DACH2: variants seen among roughly 807,000 people sequenced by gnomAD.
DACH2 encodes dachshund family transcription factor 2, also known as dachshund homolog 2.
DACH2 carries 17 observed loss-of-function variants against 35.8 expected under a neutral mutation model. The observed-to-expected ratio is 0.48, with a 90% CI of 0.33 to 0.71. The LOEUF (loss-of-function observed/expected upper bound fraction) is 0.71. Ranked by LOEUF, DACH2 falls within the 30% of genes least tolerant of loss-of-function variation. DACH2 has a pLI of 0.02. For synonymous variants in DACH2, 195 were observed against 177.3 expected (o/e 1.10, Z -0.79); for missense variants, 469 against 472.7 (o/e 0.99, Z 0.07).
intron 3 of DACH2, among the ~76,000 whole-genome samples, chrX:86,589,372 AT>A (rs1467805570): frequency 2.7e-5 from 3 of 110,920 alleles, no homozygotes; most frequent in African/African-American, 9.8e-5. Context: ...ACCTCACTCT[AT>A]TTTTTAAAAA....
chrX:86,423,521 A>AT lies in DACH2; in HGVS notation c.527+46670dup, dbSNP rs202030008. On this transcript the variant is annotated intron_variant, in intron 2 of 11. Transcript: ENST00000373125. ...GGCCCTTTTTAAATCAGATAATTAGATTTTTTTTTTTCTATAGACTTGTTT... is the reference window on the plus strand; with the variant it reads ...GGCCCTTTTTAAATCAGATAATTAGATTTTTTTTTTTTCTATAGACTTGTTT... 5.9e-3 allele frequency among the ~76,000 whole-genome samples: 612 copies of AT among 103,295 alleles called. 2 individuals are homozygous for AT. Among genetic ancestry groups the AT allele is most frequent in the Non-Finnish European group, 8.9e-3 (445 of 49,929 alleles). The allele number at this position is 103,295 out of a possible 115,157, so 89.7% of individuals were successfully genotyped here. A position where few individuals can be genotyped will look rare whatever the true frequency, so the allele number is the denominator to read the frequency against.
At chrX:86,270,023 T>TTA (rs201548278) in intron 1 of DACH2, among the ~76,000 whole-genome samples, 96 of 97,703 alleles carry the variant, frequency 9.8e-4, no homozygotes, top group South Asian at 2.3e-3. Context: ...TATATATATA[T>TTA]TATATATATA....
chrX:86,675,234 G>A (rs189455527), intron 4 of DACH2, among the ~76,000 whole-genome samples: 67 of 111,380 alleles, frequency 6.0e-4, no homozygotes, highest in African/African-American at 2.0e-3. Context: ...AGATCATCCA[G>A]CTCAACTTAA....
intron 2 of DACH2, among the ~76,000 whole-genome samples, chrX:86,498,225 G>A (rs1302198954): frequency 1.8e-5 from 2 of 110,986 alleles, no homozygotes; most frequent in African/African-American, 6.6e-5. Flanking sequence ...TTTAAAAGAA[G>A]TAATTTGTTG....
intron 7 of DACH2, among the ~76,000 whole-genome samples, chrX:86,807,781 G>A (rs1418642719): frequency 9.0e-6 from 1 of 111,480 alleles, no homozygotes; most frequent in East Asian, 2.8e-4. Context: ...TCTGTCCTAT[G>A]GAATATTTTG....
At chrX:86,323,506 A>G (rs551104637) in intron 1 of DACH2, among the ~76,000 whole-genome samples, 1 of 111,381 alleles carries the variant, frequency 9.0e-6, no homozygotes, top group South Asian at 3.8e-4. Flanking sequence ...GGCTGTAAAA[A>G]CTCTTGTAGC....
At chrX:86,270,348 CATAG>C (rs2033793901) in intron 1 of DACH2, among the ~76,000 whole-genome samples, 2 of 111,151 alleles carry the variant, frequency 1.8e-5, no homozygotes, top group Admixed American at 1.9e-4. Context: ...AGAGACAACA[CATAG>C]ATTGCTTTTT....
At chrX:86,409,842 G>C (rs1338490485) in intron 2 of DACH2, among the ~76,000 whole-genome samples, 1 of 112,260 alleles carries the variant, frequency 8.9e-6, no homozygotes, top group South Asian at 3.7e-4. Flanking sequence ...ATTTCAAATT[G>C]TTAAATGCCA....
intron 7 of DACH2, among the ~76,000 whole-genome samples, chrX:86,744,445 C>G (rs1161138895): frequency 9.0e-6 from 1 of 111,609 alleles, no homozygotes; most frequent in African/African-American, 3.2e-5. Flanking sequence ...TTAACTGTGA[C>G]AAGTAAGCAG....
chrX:86,673,104 G>A (rs958969670), intron 4 of DACH2, among the ~76,000 whole-genome samples: 9 of 110,977 alleles, frequency 8.1e-5, no homozygotes, highest in Non-Finnish European at 1.3e-4. Context: ...GGGAGGCCGA[G>A]GCGGGTGGAT....
chrX:86,816,160 T>G, intron 11 of DACH2, 61 bp downstream of exon 11: 1 of 801,177 alleles, frequency 1.2e-6, no homozygotes. Context: ...GGGGATGAGG[T>G]GGGGATGAGG....
intron 1 of DACH2, among the ~76,000 whole-genome samples, chrX:86,343,680 G>A (rs1359560670): frequency 9.0e-6 from 1 of 111,614 alleles, no homozygotes; most frequent in Non-Finnish European, 1.9e-5. Flanking sequence ...TAAGGGTAAG[G>A]TCTTTATTAA....
rs768383079 is a variant in DACH2, at chrX:86,591,291, A to G, written c.641-59745A>G. Among the ~76,000 whole-genome samples, 24 of 111,633 alleles carry G rather than the reference A, an allele frequency of 2.1e-4. No individual in the cohort carries two copies. The East Asian group carries it at 6.8e-3, about 32-fold the overall frequency. Reference sequence around the variant, plus strand: ...AGTGCCGCAATAAACATATGTGTGTATGTGTCTTTATAGCAGCACGATTTA... The same window carrying G: ...AGTGCCGCAATAAACATATGTGTGTGTGTGTCTTTATAGCAGCACGATTTA... On this transcript the variant is annotated intron_variant, in intron 3 of 11. Coordinates refer to ENST00000373125, the MANE Select transcript of DACH2 (RefSeq NM_053281.3).
At chrX:86,724,044 G>T (rs1313308875) in intron 6 of DACH2, among the ~76,000 whole-genome samples, 1 of 111,157 alleles carries the variant, frequency 9.0e-6, no homozygotes, top group Non-Finnish European at 1.9e-5. Context: ...CATAAAGTTG[G>T]ATCATGTTTT....
intron 4 of DACH2, among the ~76,000 whole-genome samples, chrX:86,680,652 C>CTTTTTTTTT (rs1195400316): frequency 1.2e-5 from 1 of 82,325 alleles, no homozygotes; most frequent in African/African-American, 4.5e-5. Context: ...TGACTCATTT[C>CTTTTTTTTT]TTTTTTTTTT....
At chrX:86,697,472 A>T (rs2041080836) in intron 5 of DACH2, among the ~76,000 whole-genome samples, 1 of 111,439 alleles carries the variant, frequency 9.0e-6, no homozygotes, top group Non-Finnish European at 1.9e-5. Context: ...CTTTAAACGA[A>T]AAAAAATGCA....
chrX:86,254,838 A>AGAGAG (rs1569318220), intron 1 of DACH2, among the ~76,000 whole-genome samples: 10 of 88,418 alleles, frequency 1.1e-4, no homozygotes, highest in African/African-American at 2.1e-4. Flanking sequence ...AGAGAGAGAG[A>AGAGAG]AGGTTTATAA....
chrX:86,484,462 A>C (rs1032838866), intron 2 of DACH2, among the ~76,000 whole-genome samples: 1 of 111,896 alleles, frequency 8.9e-6, no homozygotes, highest in African/African-American at 3.3e-5. Flanking sequence ...AATTGTATGT[A>C]ATATGCAAAT....
At chrX:86,468,180 G>T (rs1042222407) in intron 2 of DACH2, among the ~76,000 whole-genome samples, 7 of 111,689 alleles carry the variant, frequency 6.3e-5, no homozygotes, top group African/African-American at 2.3e-4. Context: ...AATGTTGAAT[G>T]GCTTTGGGTT....
Sources: allele counts gnomAD v4.1 joint callset (sites outside exome capture counted in the v4.1 genomes callset), GRCh38; gene constraint gnomAD v4.1.1; transcripts MANE v1.5; gene names NCBI Gene and HGNC (gene_info 2026-07-23, HGNC 2026-07-21).